SNRK: variants seen among roughly 807,000 people sequenced by gnomAD.
The protein encoded by SNRK is SNF related kinase.
A neutral mutation model predicts 48.2 loss-of-function variants in SNRK; 3 were observed. The observed-to-expected ratio is 0.06, with a 90% CI of 0.03 to 0.16. The LOEUF (loss-of-function observed/expected upper bound fraction) is 0.16, where lower values mean the gene tolerates loss of function less well. SNRK is among the 10% of genes least tolerant of loss of function. SNRK has a pLI of 1.00. For synonymous variants in SNRK, 376 were observed against 366.1 expected (o/e 1.03, Z -0.31); for missense variants, 627 against 976.0 (o/e 0.64, Z 4.76).
chr3:43,307,695 C>T (rs2125623155), intron 3 of SNRK, among the ~76,000 whole-genome samples: 1 of 152,262 alleles, frequency 6.6e-6, no homozygotes, highest in Non-Finnish European at 1.5e-5. Context: ...ATCTCTCTCT[C>T]TCTCTGTCTC....
rs1193361820 is a variant in SNRK at position 43,339,820 on chromosome 3, T to A, written c.732-467T>A. On this transcript the variant is annotated intron_variant, in intron 4 of 6. Coordinates refer to ENST00000296088, the MANE Select transcript of SNRK (RefSeq NM_017719.5). Reference sequence around the variant, plus strand: ...ATGGAGTGGGACTCCATTTCCAAAATATATATATATATATATATATATATA... The same window carrying A: ...ATGGAGTGGGACTCCATTTCCAAAAAATATATATATATATATATATATATA... 4.5e-3 allele frequency among the ~76,000 whole-genome samples: 9 copies of A among 2,020 alleles called. 1 individual carries two copies. The highest frequency in any genetic ancestry group is 0.02 in the South Asian group (1 of 50). The allele number at this position is 2,020 out of a possible 152,430, so 1.3% of individuals were successfully genotyped here.
intron 3 of SNRK, among the ~76,000 whole-genome samples, chr3:43,306,850 T>C (rs1185400082): frequency 6.6e-6 from 1 of 152,210 alleles, no homozygotes; most frequent in Non-Finnish European, 1.5e-5. Flanking sequence ...TAGATTTATT[T>C]TTCTCTTTAG....
intron 1 of SNRK, among the ~76,000 whole-genome samples, chr3:43,294,827 T>C (rs899729634): frequency 2.0e-5 from 3 of 152,112 alleles, no homozygotes; most frequent in African/African-American, 7.2e-5. Flanking sequence ...GGAGTTAAAG[T>C]GAGTTTTGAC....
rs1198338708 is a variant in SNRK, at chr3:43,347,447, C to T, written c.1188C>T (p.Asp396=). ...CTCAGTCTCCTGCTCGGGCTGCTGA[C>T]AGTGTCCTCAATGGCCACAGGAGCA... ...TVPQSPARAA[D]SVLNGHRSKG... The change falls in exon 7 of 7, where the codon GAC becomes GAT. Residue 396 remains aspartate, a synonymous_variant. Coordinates refer to ENST00000296088, the MANE Select transcript of SNRK (RefSeq NM_017719.5). This position sits in a 1 kb window ranked among gnomAD's most constrained non-coding sequence, Gnocchi z 5.4. 6.2e-7 allele frequency: 1 copy of T among 1,613,950 alleles called. No homozygotes were observed. Among genetic ancestry groups the T allele is most frequent in the Non-Finnish European group, 8.5e-7 (1 of 1,180,012 alleles).
chr3:43,320,310 G>T (rs1244144855), intron 3 of SNRK, among the ~76,000 whole-genome samples: 1 of 152,138 alleles, frequency 6.6e-6, no homozygotes, highest in Non-Finnish European at 1.5e-5. Flanking sequence ...TAGATGTTTG[G>T]TATATTTTAT....
chr3:43,301,741 A>T (rs916472637), intron 2 of SNRK, among the ~76,000 whole-genome samples: 2 of 152,226 alleles, frequency 1.3e-5, no homozygotes, highest in Non-Finnish European at 2.9e-5. Flanking sequence ...GAAACTGTAT[A>T]TTGAGAGCAG....
intron 3 of SNRK, among the ~76,000 whole-genome samples, chr3:43,314,085 A>G (rs1192594796): frequency 6.6e-6 from 1 of 152,206 alleles, no homozygotes; most frequent in Non-Finnish European, 1.5e-5. Flanking sequence ...TTTAAAAAAT[A>G]AATATAAAAC....
rs1190733985 is a variant in SNRK at position 43,286,633 on chromosome 3, G to A, written c.-211G>A. On this transcript the variant is annotated 5_prime_UTR_variant, in exon 1 of 7. Transcript: ENST00000296088. ...TTTCGGCGGCCGGGAGGGAGTTGTC[G>A]GCGCCGCGGCCGCTGCGGACGGACG... 4 of 150,000 alleles carry A rather than the reference G, an allele frequency of 2.7e-5. No individual in the cohort carries two copies. Among genetic ancestry groups the A allele is most frequent in the African/African-American group, 9.7e-5 (4 of 41,184 alleles). The allele number at this position is 150,000 out of a possible 1,614,324, so 9.3% of individuals were successfully genotyped here.
chr3:43,295,066 T>C (rs2090842242), intron 1 of SNRK, among the ~76,000 whole-genome samples: 1 of 152,230 alleles, frequency 6.6e-6, no homozygotes, highest in Non-Finnish European at 1.5e-5. Flanking sequence ...GCAGAAATGA[T>C]GACATGCTTA....
chr3:43,299,350 G>A (rs2090881271), intron 1 of SNRK, among the ~76,000 whole-genome samples: 1 of 152,044 alleles, frequency 6.6e-6, no homozygotes, highest in Non-Finnish European at 1.5e-5. Context: ...GCTAATTTTT[G>A]TATTTTTAGT....
At chr3:43,334,070 C>T (rs1036683191) in intron 4 of SNRK, among the ~76,000 whole-genome samples, 4 of 152,038 alleles carry the variant, frequency 2.6e-5, no homozygotes, top group Admixed American at 1.3e-4. Flanking sequence ...CACTTGAACC[C>T]AGGAGGTGGA....
In SNRK at chr3:43,318,356, T is replaced by TA. The variant is rs57684209; in HGVS notation, c.590-13804dup. Among the ~76,000 whole-genome samples the TA allele has an allele frequency of 6.7e-3, 1,011 of 151,270 alleles. 8 individuals are homozygous for TA. The highest frequency in any genetic ancestry group is 0.022 in the African/African-American group (920 of 41,254). On this transcript the variant is annotated intron_variant, in intron 3 of 6. Transcript: ENST00000296088. ...TTTCTTTCTTTTTTAAAATGTTAGA[T>TA]AAAAAAAAATGAAAGTCTTGGTGTT...
chr3:43,336,662 TC>T (rs910328329), intron 4 of SNRK, among the ~76,000 whole-genome samples: 1 of 152,156 alleles, frequency 6.6e-6, no homozygotes, highest in Non-Finnish European at 1.5e-5. Context: ...CATTTGACTT[TC>T]CCCCTGAATT....
chr3:43,313,204 G>A (rs796423187), intron 3 of SNRK, among the ~76,000 whole-genome samples: 3 of 152,252 alleles, frequency 2.0e-5, no homozygotes, highest in African/African-American at 7.2e-5. Flanking sequence ...ATATGCAATT[G>A]CACTCCTGGG....
intron 3 of SNRK, among the ~76,000 whole-genome samples, chr3:43,324,723 A>G (rs2091081848): frequency 6.6e-6 from 1 of 151,584 alleles, no homozygotes. Flanking sequence ...AGAAAGATAT[A>G]CTGATTTTTT....
chr3:43,328,570 C>G (rs764215409), intron 3 of SNRK, among the ~76,000 whole-genome samples: 1 of 152,062 alleles, frequency 6.6e-6, no homozygotes. Context: ...GGTACCACTT[C>G]CCACCCCCAT....
At chr3:43,301,385 A>T (rs1266202112) in intron 2 of SNRK, among the ~76,000 whole-genome samples, 1 of 152,166 alleles carries the variant, frequency 6.6e-6, no homozygotes, top group Non-Finnish European at 1.5e-5. Flanking sequence ...GGGCTTTGAA[A>T]TGTATTAATT....
rs534681944 is a variant in SNRK at position 43,338,042 on chromosome 3, G to A, written c.732-2245G>A. ...TGCGATGACGGGTATGAGCCACTGC[G>A]TCTGGCCTCTTTATTCTCTTCTTGA... On this transcript the variant is annotated intron_variant, in intron 4 of 6. Transcript: ENST00000296088. 7.2e-5 allele frequency among the ~76,000 whole-genome samples: 11 copies of A among 152,270 alleles called. 1 individual carries two copies. The highest frequency in any genetic ancestry group is 4.1e-4 in the South Asian group (2 of 4,824).
chr3:43,303,301 C>G lies in SNRK; in HGVS notation c.98C>G (p.Ala33Gly). 1 of 1,614,114 alleles carries G rather than the reference C, an allele frequency of 6.2e-7. No individual in the cohort carries two copies. Among genetic ancestry groups the G allele is most frequent in the Non-Finnish European group, 8.5e-7 (1 of 1,180,006 alleles). The change falls in exon 3 of 7, where the codon GCC (alanine) becomes GGC (glycine). Residue 33 changes from alanine (A) to glycine (G), a missense_variant. Ala to Gly is a moderately conservative substitution (Grantham distance 60, BLOSUM62 0). Around this residue, in one of 4 missense-constraint regions of SNRK, gnomAD observed 147 missense variants for 356.8 expected, o/e 0.41. Coordinates refer to ENST00000296088, the MANE Select transcript of SNRK (RefSeq NM_017719.5). The surrounding 1 kb of genome is among the most constrained non-coding windows in gnomAD (Gnocchi z 6.2). ...GRGHFAVVKLARHVFTGEKVA... is the reference protein window; with the variant it reads ...GRGHFAVVKLGRHVFTGEKVA... ...GGCCATTTTGCCGTGGTTAAACTTG[C>G]CAGGCATGTCTTTACGGGTGAAAAG...
Sources: gnomAD v4.1 joint callset for allele counts (sites outside exome capture counted in the v4.1 genomes callset) on GRCh38, gnomAD v4.1.1 for gene constraint, gnomAD v4.1.1 regional missense constraint, Gnocchi (gnomAD v3.1) non-coding constraint, MANE v1.5 for transcripts, NCBI Gene and HGNC (gene_info 2026-07-23, HGNC 2026-07-21) for gene names.